SAMD8: variants seen among roughly 807,000 people sequenced by gnomAD.
SAMD8 encodes sphingomyelin synthase-related protein 1.
A neutral mutation model predicts 42.0 loss-of-function variants in SAMD8; 20 were observed. That is an observed-to-expected ratio of 0.48 (90% confidence interval 0.34 to 0.69). SAMD8 has a LOEUF of 0.69. SAMD8 is among the 30% of genes least tolerant of loss of function. SAMD8 has a pLI of 0.01. For missense variants in SAMD8, 328 were observed against 511.6 expected, an observed-to-expected ratio of 0.64 and a Z score of 3.46; for synonymous variants, 162 against 173.0, an observed-to-expected ratio of 0.94 and a Z score of 0.50.
At chr10:75,123,132 G>T (rs1428994297) in intron 1 of SAMD8, among the ~76,000 whole-genome samples, 1 of 151,850 alleles carries the variant, frequency 6.6e-6, no homozygotes, top group Non-Finnish European at 1.5e-5. Context: ...GGAAGGAAAT[G>T]GACACCTCAT....
At chr10:75,148,265 A>C (rs556397229) in intron 1 of SAMD8, among the ~76,000 whole-genome samples, 79 of 148,656 alleles carry the variant, frequency 5.3e-4, no homozygotes, top group Middle Eastern at 3.4e-3. Context: ...TCATGTAGTT[A>C]GTGTCTGCCT....
intron 1 of SAMD8, among the ~76,000 whole-genome samples, chr10:75,142,892 A>G (rs11001304): frequency 0.25 from 37,966 of 152,192 alleles, 5,255 homozygotes; most frequent in East Asian, 0.58. Flanking sequence ...ATGAATGAGG[A>G]CAGCATCCTC....
chr10:75,129,106 A>G (rs1227457637), intron 1 of SAMD8, among the ~76,000 whole-genome samples: 5 of 149,234 alleles, frequency 3.4e-5, no homozygotes, highest in Admixed American at 2.0e-4. Context: ...GATATTTATT[A>G]TATCTTCTTT....
At chr10:75,162,790 AG>A (rs1471488610) in intron 2 of SAMD8, among the ~76,000 whole-genome samples, 1 of 152,150 alleles carries the variant, frequency 6.6e-6, no homozygotes, top group African/African-American at 2.4e-5. Context: ...ATTGCCCTGG[AG>A]GAAAAATTGA....
intron 1 of SAMD8, among the ~76,000 whole-genome samples, chr10:75,101,115 G>A (rs913881352): frequency 7.2e-5 from 11 of 152,218 alleles, no homozygotes; most frequent in African/African-American, 1.9e-4. Flanking sequence ...GAAGGGTGGC[G>A]TGTGGCTGCC....
intron 2 of SAMD8, among the ~76,000 whole-genome samples, chr10:75,152,124 ATGAAT>A (rs1446955065): frequency 6.6e-6 from 1 of 151,958 alleles, no homozygotes; most frequent in Non-Finnish European, 1.5e-5. Context: ...ATATCACCAA[ATGAAT>A]TGGAACTATC....
chr10:75,111,902 G>GT, intron 1 of SAMD8, 180 bp downstream of exon 1: 2 of 750,670 alleles, frequency 2.7e-6, no homozygotes, highest in Middle Eastern at 4.3e-4. Context: ...GCAAATGGAG[G>GT]TTGTCGAACT....
intron 1 of SAMD8, among the ~76,000 whole-genome samples, chr10:75,145,129 G>A (rs1478187812): frequency 2.6e-5 from 4 of 151,980 alleles, no homozygotes; most frequent in Non-Finnish European, 5.9e-5. Context: ...TGGTGCAGGG[G>A]CAGGGGACAT....
At chr10:75,171,046 C>T (rs1346598287) in intron 4 of SAMD8, among the ~76,000 whole-genome samples, 1 of 151,652 alleles carries the variant, frequency 6.6e-6, no homozygotes, top group East Asian at 1.9e-4. Context: ...CAGGTGTGAG[C>T]CACAGCGCCT....
intron 1 of SAMD8, chr10:75,150,205 A>G (rs2134480633): frequency 6.6e-6 from 1 of 151,924 alleles, no homozygotes. Flanking sequence ...TTGACCTCCC[A>G]GACTCAGGTG....
intron 1 of SAMD8, among the ~76,000 whole-genome samples, chr10:75,142,291 T>C (rs181544436): frequency 6.6e-6 from 1 of 152,014 alleles, no homozygotes; most frequent in African/African-American, 2.4e-5. Context: ...TTCCTTCTGC[T>C]TTGGGTTTAA....
chr10:75,170,477 G>A (rs1387278301), intron 4 of SAMD8, among the ~76,000 whole-genome samples: 2 of 152,106 alleles, frequency 1.3e-5, no homozygotes, highest in Non-Finnish European at 2.9e-5. Flanking sequence ...GTAAGAAAGG[G>A]GGAAGGGTTG....
At chr10:75,161,468 T>G (rs1168023560) in intron 2 of SAMD8, among the ~76,000 whole-genome samples, 1 of 152,004 alleles carries the variant, frequency 6.6e-6, no homozygotes, top group Admixed American at 6.6e-5. Flanking sequence ...GCCCACAGAA[T>G]GTCTCATCTT....
At chr10:75,155,735 T>C (rs1368005733) in intron 2 of SAMD8, among the ~76,000 whole-genome samples, 1 of 152,222 alleles carries the variant, frequency 6.6e-6, no homozygotes, top group Non-Finnish European at 1.5e-5. Context: ...TTATAAATAT[T>C]GTAAATAATC....
chr10:75,107,886 G>T (rs1564668699), upstream of SAMD8: 2 of 1,341,786 alleles, frequency 1.5e-6, no homozygotes, highest in Admixed American at 2.3e-5. Context: ...CTAAGCAGAG[G>T]ATTTTTAAAA....
chr10:75,133,237 C>CA (rs57204459), intron 1 of SAMD8, among the ~76,000 whole-genome samples: 1 of 151,324 alleles, frequency 6.6e-6, no homozygotes, highest in South Asian at 2.1e-4. Flanking sequence ...CCCATCTCTA[C>CA]AAAAAAAATA....
At chr10:75,139,840 T>TA (rs200242449) in intron 1 of SAMD8, among the ~76,000 whole-genome samples, 1,950 of 152,326 alleles carry the variant, frequency 0.013, 18 homozygotes, top group Non-Finnish European at 0.022. Context: ...AATTTGTTTT[T>TA]ATATGGATTT....
chr10:75,150,436 T>A (rs1840260302), intron 1 of SAMD8, 78 bp from the exon 2 acceptor site: 1 of 1,505,854 alleles, frequency 6.6e-7, no homozygotes, highest in South Asian at 1.4e-5. Context: ...TTCTGGTGTA[T>A]TTATGTGTGT....
chr10:75,099,662 T>C (rs888555749), exon 1 of SAMD8: 54 of 716,712 alleles, frequency 7.5e-5, no homozygotes, highest in Admixed American at 1.3e-4. Flanking sequence ...CTCTGCTTGG[T>C]ATCTGTTTGG....
Sources: allele counts gnomAD v4.1 joint callset (sites outside exome capture counted in the v4.1 genomes callset), GRCh38; gene constraint gnomAD v4.1.1; transcripts MANE v1.5; gene names NCBI Gene and HGNC (gene_info 2026-07-23, HGNC 2026-07-21).